The following DZIP1 variants were observed in gnomAD, a reference collection of about 807,000 sequenced individuals.
The protein encoded by DZIP1 is DAZ interacting zinc finger protein 1, also known as cilium assembly protein DZIP1.
DZIP1 carries 97 observed loss-of-function variants against 107.6 expected under a neutral mutation model. The ratio of observed to expected loss-of-function variants is 0.90; its 90% CI spans 0.77 to 1.07. The LOEUF (loss-of-function observed/expected upper bound fraction) is 1.07. DZIP1 is among the 50% of genes least tolerant of loss of function. DZIP1 has a pLI of 0.00. For missense variants in DZIP1, 1,035 were observed against 1,063.6 expected, an observed-to-expected ratio of 0.97 and a Z score of 0.37; for synonymous variants, 390 against 386.4, an observed-to-expected ratio of 1.01 and a Z score of -0.11.
At chr13:95,605,884 C>T in intron 14 of DZIP1, 119 bp downstream of exon 14, 1 of 1,016,808 alleles carries the variant, frequency 9.8e-7, no homozygotes, top group Non-Finnish European at 1.5e-6. Context: ...GTTTTGCAAT[C>T]ACTAAAATGT....
intron 9 of DZIP1, among the ~76,000 whole-genome samples, 192 bp from the exon 10 acceptor site, chr13:95,620,139 T>C (rs762654810): frequency 1.3e-5 from 2 of 152,196 alleles, no homozygotes; most frequent in African/African-American, 4.8e-5. Flanking sequence ...TGGGAGATGA[T>C]TGAATCATGG....
chr13:95,641,825 C>A lies in DZIP1; in HGVS notation c.67G>T (p.Ala23Ser), dbSNP rs1335356603. 6.8e-7 allele frequency: 1 copy of A among 1,463,828 alleles called. No individual in the cohort carries two copies. The highest frequency in any genetic ancestry group is 1.4e-5 in the South Asian group (1 of 70,758). 90.7% of individuals were successfully genotyped at this position (1,463,828 alleles called of 1,614,324 possible). A position where few individuals can be genotyped will look rare whatever the true frequency, so the allele number is the denominator to read the frequency against. ...PFQKHVYYPL[A>S]SGPEGPDVAV... ...ACGTCGGGCCCCTCTGGGCCGCTGGCGAGCGGGTAGTAGACATGCTTCTGG... is the reference window on the plus strand; with the variant it reads ...ACGTCGGGCCCCTCTGGGCCGCTGGAGAGCGGGTAGTAGACATGCTTCTGG... Residue 23 changes from alanine to serine, a missense_variant, in exon 5 of 23, where the codon GCC becomes TCC. Ala to Ser is a moderately conservative substitution (Grantham distance 99, BLOSUM62 1). Coordinates refer to ENST00000376829, the MANE Select transcript of DZIP1 (RefSeq NM_198968.4). The surrounding 1 kb of genome is among the most constrained non-coding windows in gnomAD (Gnocchi z 4.3).
chr13:95,583,471 G>C (rs143044455), intron 22 of DZIP1, among the ~76,000 whole-genome samples: 1 of 152,026 alleles, frequency 6.6e-6, no homozygotes, highest in Admixed American at 6.6e-5. Context: ...AAGGTGGTGC[G>C]ATGGCATAGA....
Position 95,641,902 on chromosome 13 carries a change from C to A in DZIP1, c.37-47G>T. 1 of 323,846 alleles carries A rather than the reference C, an allele frequency of 3.1e-6. No homozygotes were observed. The highest frequency in any genetic ancestry group is 1.3e-4 in the East Asian group (1 of 7,744). 20.1% of individuals were successfully genotyped at this position (323,846 alleles called of 1,614,324 possible). On this transcript the variant is annotated intron_variant, in intron 4 of 22. Transcript: ENST00000376829. This position sits in a 1 kb window ranked among gnomAD's most constrained non-coding sequence, Gnocchi z 4.3. ...CGCGGCGGGAGGCGGGGATGGGGGG[C>A]GGGCAGGCTGGGGAGCTGGGGGTCC...
At chr13:95,624,349 T>G (rs974711891) in intron 8 of DZIP1, among the ~76,000 whole-genome samples, 6 of 152,196 alleles carry the variant, frequency 3.9e-5, no homozygotes, top group Non-Finnish European at 8.8e-5. Flanking sequence ...CATAACTTGC[T>G]TGCTTTAGAG....
chr13:95,609,470 A>G lies in DZIP1; in HGVS notation c.1407T>C (p.Ala469=). The change falls in exon 13 of 23, where the codon GCT becomes GCC. Residue 469 remains alanine (A), a synonymous_variant. Transcript: ENST00000376829. ...ATAGGAACTTACTAGGCACAGCTGG[A>G]GCAGCTGGCTGAGATTCAAAAGCCT... ...AWQAFESQPA[A]PAVPMNAPAL... 1 of 1,580,684 alleles carries G rather than the reference A, an allele frequency of 6.3e-7. No individual in the cohort carries two copies. Among genetic ancestry groups the G allele is most frequent in the Non-Finnish European group, 8.6e-7 (1 of 1,164,208 alleles).
At chr13:95,623,792 AGCTGGGTGTGGTG>A (rs1876200406) in intron 8 of DZIP1, among the ~76,000 whole-genome samples, 1 of 152,164 alleles carries the variant, frequency 6.6e-6, no homozygotes, top group Non-Finnish European at 1.5e-5. Context: ...TACAAAAATT[AGCTGGGTGTGGTG>A]GCATGTGCCT....
Position 95,621,252 on chromosome 13 carries a change from A to T in DZIP1, c.1110+1091T>A, listed in dbSNP as rs185652172. On this transcript the variant is annotated intron_variant, in intron 9 of 22. Transcript: ENST00000376829. Reference sequence around the variant, plus strand: ...GAAAAAGACAGAAGGGCATGTTCTGAGAGGCATGGGCTGCTGGGCCGCTGG... The same window carrying T: ...GAAAAAGACAGAAGGGCATGTTCTGTGAGGCATGGGCTGCTGGGCCGCTGG... Among the ~76,000 whole-genome samples, 486 of 152,324 alleles carry T rather than the reference A, an allele frequency of 3.2e-3. 4 individuals carry two copies. The highest frequency in any genetic ancestry group is 0.011 in the African/African-American group (459 of 41,564).
intron 10 of DZIP1, among the ~76,000 whole-genome samples, chr13:95,614,037 G>T (rs1874726675): frequency 6.6e-6 from 1 of 151,482 alleles, no homozygotes; most frequent in African/African-American, 2.4e-5. Context: ...GAGGTGGGAG[G>T]GTTGCTTGAC....
intron 7 of DZIP1, among the ~76,000 whole-genome samples, chr13:95,628,521 A>G (rs1270639723): frequency 6.6e-6 from 1 of 152,220 alleles, no homozygotes; most frequent in Non-Finnish European, 1.5e-5. Flanking sequence ...TTGTGAATAC[A>G]CTAAACGCTA....
chr13:95,633,440 T>G (rs1446205229), intron 5 of DZIP1, 119 bp from the exon 6 acceptor site: 1 of 813,592 alleles, frequency 1.2e-6, no homozygotes, highest in Non-Finnish European at 2.0e-6. Context: ...CCCAGCACTT[T>G]AGGAGGTCAA....
chr13:95,603,503 C>T (rs1566379812), intron 14 of DZIP1, among the ~76,000 whole-genome samples: 1 of 152,010 alleles, frequency 6.6e-6, no homozygotes, highest in East Asian at 1.9e-4. Flanking sequence ...ATCCTCACTG[C>T]ACTCGTCGCT....
At position 95,587,646 on chromosome 13, in the gene DZIP1, G is replaced by A. The variant is rs144822400; in HGVS notation, c.2111C>T (p.Pro704Leu). Residue 704 changes from proline (P) to leucine (L), a missense_variant, in exon 20 of 23, where the codon CCG becomes CTG. Pro to Leu is a moderately conservative substitution (Grantham distance 98, BLOSUM62 -3). Coordinates refer to ENST00000376829, the MANE Select transcript of DZIP1 (RefSeq NM_198968.4). ...GAAGCTGCCCTTGTTTTGTGGTGGC[G>A]GCACAGGAAGTGGGCCTGGGGATGC... ...AYASPGPLPV[P>L]PPQNKGSFGK... is the part of the protein sequence containing the mutation. The A allele has an allele frequency of 1.9e-6, 3 of 1,613,928 alleles. No individual in the cohort carries two copies. Among genetic ancestry groups the A allele is most frequent in the East Asian group, 2.2e-5 (1 of 44,888 alleles).
Position 95,641,508 on chromosome 13 carries a change from G to A in DZIP1, c.384C>T (p.Ile128=), listed in dbSNP as rs1361979031. Residue 128 remains isoleucine, a synonymous_variant, in exon 5 of 23, where the codon ATC becomes ATT. Coordinates refer to ENST00000376829, the MANE Select transcript of DZIP1 (RefSeq NM_198968.4). The surrounding 1 kb of genome is among the most constrained non-coding windows in gnomAD (Gnocchi z 4.3). ...ACTCTTGTGAGTGCAGCAAGTACTCGATGGTGAACTGCGCCAGACGGATGA... is the reference window on the plus strand; with the variant it reads ...ACTCTTGTGAGTGCAGCAAGTACTCAATGGTGAACTGCGCCAGACGGATGA... ...LKLIRLAQFT[I]EYLLHSQEFL... is the part of the protein sequence containing the mutation. The A allele has an allele frequency of 1.9e-6, 3 of 1,613,970 alleles. No individual in the cohort carries two copies. The highest frequency in any genetic ancestry group is 1.3e-5 in the African/African-American group (1 of 74,934).
rs1316106778 is a variant in DZIP1 at position 95,641,101 on chromosome 13, C to A, written c.597+194G>T. Among the ~76,000 whole-genome samples the A allele has an allele frequency of 2.0e-5, 3 of 152,166 alleles. No individual in the cohort carries two copies. The highest frequency in any genetic ancestry group is 7.2e-5 in the African/African-American group (3 of 41,436). On this transcript the variant is annotated intron_variant, in intron 5 of 22. Transcript: ENST00000376829. This position sits in a 1 kb window ranked among gnomAD's most constrained non-coding sequence, Gnocchi z 4.3. ...CGACATTTGTTGTTTAATTATTAAT[C>A]CCCTGATTGTCTGCAGAAGGTAATG...
At chr13:95,639,377 G>C (rs952052380) in intron 5 of DZIP1, among the ~76,000 whole-genome samples, 1 of 152,066 alleles carries the variant, frequency 6.6e-6, no homozygotes, top group Non-Finnish European at 1.5e-5. Flanking sequence ...GATCACTTGA[G>C]GTCAGGAGTT....
intron 5 of DZIP1, among the ~76,000 whole-genome samples, chr13:95,636,524 A>G (rs1685219173): frequency 6.8e-6 from 1 of 148,066 alleles, no homozygotes; most frequent in Non-Finnish European, 1.5e-5. Context: ...GGCCAGGGTG[A>G]CAAAACAAGA....
intron 14 of DZIP1, among the ~76,000 whole-genome samples, chr13:95,604,529 G>A (rs544524025): frequency 2.7e-4 from 41 of 152,312 alleles, no homozygotes; most frequent in African/African-American, 8.7e-4. Context: ...CCAGGAAGGG[G>A]GCATGACTGA....
chr13:95,582,564 C>CA (rs1180767968), intron 22 of DZIP1, among the ~76,000 whole-genome samples: 2 of 152,164 alleles, frequency 1.3e-5, no homozygotes. Context: ...AGCCTACAAA[C>CA]AGCAGGGACC....
Sources: gnomAD v4.1 joint callset for allele counts (sites outside exome capture counted in the v4.1 genomes callset) on GRCh38, gnomAD v4.1.1 for gene constraint, Gnocchi (gnomAD v3.1) non-coding constraint, MANE v1.5 for transcripts, NCBI Gene and HGNC (gene_info 2026-07-23, HGNC 2026-07-21) for gene names.